Variants in PSMA8 observed in about 807,000 individuals in gnomAD.
PSMA8 encodes the protein proteasome subunit alpha-type 8.
Under a neutral mutation model 32.4 loss-of-function variants are expected in PSMA8, and 18 were observed. The ratio of observed to expected loss-of-function variants is 0.56; its 90% CI spans 0.38 to 0.82. The LOEUF is 0.82. Among genes scored for constraint, PSMA8 ranks in the 40% least tolerant of loss-of-function variants. The probability of loss-of-function intolerance (pLI) is 0.00; values close to 1 mark genes in which losing one functional copy is unlikely to be tolerated. For missense variants in PSMA8, 298 were observed against 300.7 expected, an observed-to-expected ratio of 0.99 and a Z score of 0.07; for synonymous variants, 104 against 98.1, an observed-to-expected ratio of 1.06 and a Z score of -0.36.
chr18:26,171,155 T>A, intron 4 of PSMA8: 1 of 1,559,330 alleles, frequency 6.4e-7, no homozygotes, highest in Non-Finnish European at 8.5e-7. Flanking sequence ...GTTTACCTTC[T>A]ACTGAAGAGG....
At chr18:26,144,841 A>G (rs2054989855) in intron 2 of PSMA8, among the ~76,000 whole-genome samples, 156 bp downstream of exon 2, 1 of 152,230 alleles carries the variant, frequency 6.6e-6, no homozygotes, top group South Asian at 2.1e-4. Context: ...AACTTTGTAA[A>G]CCAGGATTTT....
intron 6 of PSMA8, among the ~76,000 whole-genome samples, chr18:26,179,677 A>G (rs1002236145): frequency 5.9e-5 from 9 of 152,130 alleles, no homozygotes; most frequent in African/African-American, 2.2e-4. Flanking sequence ...GTAGTTCACT[A>G]TTGTTCATTA....
intron 2 of PSMA8, among the ~76,000 whole-genome samples, chr18:26,150,272 T>A (rs1170921939): frequency 6.6e-6 from 1 of 152,220 alleles, no homozygotes; most frequent in Non-Finnish European, 1.5e-5. Context: ...TACTCATTTT[T>A]TTCTGTAGAT....
chr18:26,158,669 A>G (rs1386146135), intron 4 of PSMA8, among the ~76,000 whole-genome samples: 1 of 152,174 alleles, frequency 6.6e-6, no homozygotes, highest in Non-Finnish European at 1.5e-5. Flanking sequence ...TAAACTATGA[A>G]TCTATACTCA....
chr18:26,182,963 G>T (rs2055323675), intron 6 of PSMA8, among the ~76,000 whole-genome samples: 2 of 151,876 alleles, frequency 1.3e-5, no homozygotes, highest in Non-Finnish European at 2.9e-5. Context: ...GTGGTGGGGG[G>T]AATCTGTAAT....
chr18:26,149,666 A>G (rs2055030036), intron 2 of PSMA8, among the ~76,000 whole-genome samples: 1 of 152,232 alleles, frequency 6.6e-6, no homozygotes, highest in Admixed American at 6.5e-5. Context: ...CAAGGATGCC[A>G]AGACTACTCA....
intron 6 of PSMA8, among the ~76,000 whole-genome samples, 157 bp downstream of exon 6, chr18:26,179,287 GT>G (rs2055290201): frequency 7.4e-6 from 1 of 135,820 alleles, no homozygotes; most frequent in Non-Finnish European, 1.5e-5. Context: ...TTTTTTGTTT[GT>G]TTTTTGTGTT....
intron 4 of PSMA8, among the ~76,000 whole-genome samples, chr18:26,166,106 A>G (rs1355565132): frequency 6.6e-6 from 1 of 152,148 alleles, no homozygotes; most frequent in Non-Finnish European, 1.5e-5. Context: ...TGTCTCAAAA[A>G]GAAAAAGAAA....
intron 2 of PSMA8, among the ~76,000 whole-genome samples, chr18:26,149,983 C>T (rs2055032351): frequency 6.6e-6 from 1 of 152,190 alleles, no homozygotes; most frequent in Non-Finnish European, 1.5e-5. Context: ...ATGATTGTAT[C>T]CTCAATATAA....
rs1366130861 is a variant in PSMA8, at chr18:26,171,107, G to A, written c.478-7723G>A. On this transcript the variant is annotated intron_variant, in intron 4 of 6. Transcript: ENST00000415576. The stretch of plus-strand genomic sequence containing the variant: ...TTAAAGGTCGATTCTTCTCAGGAAT[G>A]GAGAACCAGGTCTTCTTACCCATAA... 1.8e-5 allele frequency: 28 copies of A among 1,559,318 alleles called. 3 individuals carry two copies. Among genetic ancestry groups the A allele is most frequent in the Middle Eastern group, 3.4e-4 (2 of 5,878 alleles).
chr18:26,164,241 C>T (rs1323526911), intron 4 of PSMA8, among the ~76,000 whole-genome samples: 1 of 152,048 alleles, frequency 6.6e-6, no homozygotes, highest in African/African-American at 2.4e-5. Context: ...AGCTCAAGAC[C>T]AGCCTGGGCA....
At chr18:26,180,826 A>G (rs1251503515) in intron 6 of PSMA8, among the ~76,000 whole-genome samples, 2 of 152,184 alleles carry the variant, frequency 1.3e-5, no homozygotes, top group Non-Finnish European at 2.9e-5. Flanking sequence ...AGGATAGGCT[A>G]TGTAGGGAAT....
At chr18:26,157,366 A>G (rs1055922903) in intron 3 of PSMA8, among the ~76,000 whole-genome samples, 16 of 151,466 alleles carry the variant, frequency 1.1e-4, no homozygotes, top group African/African-American at 3.9e-4. Context: ...CAGCCTGGCC[A>G]ACCAACATGG....
intron 6 of PSMA8, among the ~76,000 whole-genome samples, chr18:26,181,919 A>G (rs1040480848): frequency 6.7e-6 from 1 of 150,128 alleles, no homozygotes; most frequent in Non-Finnish European, 1.5e-5. Context: ...GTGAGACGCC[A>G]TCTGAAAAAA....
rs369994909 is a variant in PSMA8, at chr18:26,165,571, T to TC, written c.477+7335dup. On this transcript the variant is annotated intron_variant, in intron 4 of 6. Coordinates refer to ENST00000415576, the MANE Select transcript of PSMA8 (RefSeq NM_001025096.2). ...GGAGAATATAGGTTCAAGGGAATTTTCCCCCCCCAAGATTGGCAACGCTAT... is the reference window on the plus strand; with the variant it reads ...GGAGAATATAGGTTCAAGGGAATTTTCCCCCCCCCAAGATTGGCAACGCTAT... Among the ~76,000 whole-genome samples the TC allele has an allele frequency of 6.6e-4, 100 of 151,238 alleles. 1 individual carries two copies. In the East Asian group the frequency reaches 0.012, roughly 19 times the overall value.
chr18:26,188,827 TA>T (rs945209336), intron 6 of PSMA8, among the ~76,000 whole-genome samples: 1 of 151,970 alleles, frequency 6.6e-6, no homozygotes, highest in African/African-American at 2.4e-5. Context: ...TCACCATATA[TA>T]AAAAATCAAA....
chr18:26,158,182 G>A lies in PSMA8; in HGVS notation c.415G>A (p.Asp139Asn). 3.1e-6 allele frequency: 5 copies of A among 1,607,216 alleles called. No homozygotes were observed. The highest frequency in any genetic ancestry group is 4.3e-6 in the Non-Finnish European group (5 of 1,174,344). Reference sequence around the variant, plus strand: ...TATTTCTGCCTTAATTGTAGGTTTTGATGATGATGGTATCTCAAGATTGTA... The same window carrying A: ...TATTTCTGCCTTAATTGTAGGTTTTAATGATGATGGTATCTCAAGATTGTA... ...FGISALIVGF[D>N]DDGISRLYQT... The change falls in exon 4 of 7, where the codon GAT becomes AAT. Residue 139 changes from aspartate (D) to asparagine (N), a missense_variant. Transcript: ENST00000415576.
Position 26,171,329 on chromosome 18 carries a change from A to G in PSMA8, c.478-7501A>G. 3 of 1,530,496 alleles carry G rather than the reference A, an allele frequency of 2.0e-6. No homozygotes were observed. In the South Asian group the frequency reaches 3.4e-5, roughly 17 times the overall value. 94.8% of individuals were successfully genotyped at this position (1,530,496 alleles called of 1,614,324 possible). On this transcript the variant is annotated intron_variant, in intron 4 of 6. Coordinates refer to ENST00000415576, the MANE Select transcript of PSMA8 (RefSeq NM_001025096.2). ...CTCCGAGCCCGCTCGTTACAGCAGAACGCGCGGTCAAGTTTGGCGCGAAAT... is the reference window on the plus strand; with the variant it reads ...CTCCGAGCCCGCTCGTTACAGCAGAGCGCGCGGTCAAGTTTGGCGCGAAAT...
intron 3 of PSMA8, among the ~76,000 whole-genome samples, chr18:26,153,829 T>C (rs2055065201): frequency 6.6e-6 from 1 of 152,200 alleles, no homozygotes; most frequent in African/African-American, 2.4e-5. Context: ...CATTATAGAG[T>C]AAATGATTTA....
Sources: gnomAD v4.1 joint callset for allele counts (sites outside exome capture counted in the v4.1 genomes callset) on GRCh38, gnomAD v4.1.1 for gene constraint, MANE v1.5 for transcripts, NCBI Gene and HGNC (gene_info 2026-07-23, HGNC 2026-07-21) for gene names.